CKMT1B: variants seen among roughly 807,000 people sequenced by gnomAD.
The protein encoded by CKMT1B is creatine kinase U-type, mitochondrial.
Under a neutral mutation model 21.8 loss-of-function variants are expected in CKMT1B, and 13 were observed. The ratio of observed to expected loss-of-function variants is 0.60; its 90% CI spans 0.39 to 0.95. The LOEUF (loss-of-function observed/expected upper bound fraction) is 0.95. CKMT1B is among the 40% of genes least tolerant of loss of function. CKMT1B has a pLI of 0.00. For missense variants in CKMT1B, 157 were observed against 227.5 expected, an observed-to-expected ratio of 0.69 and a Z score of 1.99; for synonymous variants, 50 against 80.3, an observed-to-expected ratio of 0.62 and a Z score of 2.02.
intron 4 of CKMT1B, 24 bp downstream of exon 4, chr15:43,596,101 G>C: frequency 3.3e-6 from 1 of 301,386 alleles, no homozygotes; most frequent in Non-Finnish European, 5.6e-6. Flanking sequence ...GAGGGTGCTG[G>C]TTGGTGGGAG....
Position 43,598,931 on chromosome 15 carries a change from G to C in CKMT1B, c.1116G>C (p.Leu372Phe). 6.2e-7 allele frequency: 1 copy of C among 1,610,738 alleles called. No homozygotes were observed. Among genetic ancestry groups the C allele is most frequent in the Non-Finnish European group, 8.5e-7 (1 of 1,179,668 alleles). The part of the protein sequence containing the change: ...ATGGVFDISN[L>F]DRLGKSEVEL... ...GCGGTGTCTTTGATATTTCTAATTT[G>C]GACCGACTAGGCAAATCAGAGGTGA... The change falls in exon 8 of 9, where the codon TTG becomes TTC. Residue 372 changes from leucine (L) to phenylalanine (F), a missense_variant. Coordinates refer to ENST00000441322, the MANE Select transcript of CKMT1B (RefSeq NM_001375484.1).
rs2085638746 is a variant in CKMT1B at position 43,599,149 on chromosome 15, T to C, written c.1138-8T>C. Reference sequence around the variant, plus strand: ...GTAGGAAGCAGATCAAAGATTAGTGTCCCTTAGGTGGAGCTGGTGCAACTG... The same window carrying C: ...GTAGGAAGCAGATCAAAGATTAGTGCCCCTTAGGTGGAGCTGGTGCAACTG... On this transcript the variant is annotated splice_region_variant and splice_polypyrimidine_tract_variant and intron_variant, in intron 8 of 8. Coordinates refer to ENST00000441322, the MANE Select transcript of CKMT1B (RefSeq NM_001375484.1). 1 of 1,613,662 alleles carries C rather than the reference T, an allele frequency of 6.2e-7. No individual in the cohort carries two copies. Among genetic ancestry groups the C allele is most frequent in the African/African-American group, 1.3e-5 (1 of 74,876 alleles).
At chr15:43,598,374 G>T in intron 7 of CKMT1B, 47 bp downstream of exon 7, 1 of 1,596,382 alleles carries the variant, frequency 6.3e-7, no homozygotes, top group Non-Finnish European at 8.5e-7. Flanking sequence ...AGGAAGGGTG[G>T]GTTGTGGATG....
chr15:43,598,788 C>T (rs1163376072), intron 7 of CKMT1B, 39 bp from the exon 8 acceptor site: 2 of 1,575,436 alleles, frequency 1.3e-6, no homozygotes, highest in African/African-American at 1.4e-5. Flanking sequence ...TAGTCTCTGC[C>T]TCTATTGACC....
chr15:43,598,645 G>C (rs1389000406), intron 7 of CKMT1B, among the ~76,000 whole-genome samples, 182 bp from the exon 8 acceptor site: 1 of 148,056 alleles, frequency 6.8e-6, no homozygotes, highest in Admixed American at 6.6e-5. Context: ...GCTTCAGTGA[G>C]CTGTGATCAC....
intron 8 of CKMT1B, 89 bp downstream of exon 8, chr15:43,599,041 A>C (rs1212867330): frequency 4.4e-6 from 7 of 1,592,598 alleles, no homozygotes; most frequent in Non-Finnish European, 6.0e-6. Flanking sequence ...ATGTAAGATA[A>C]TCTGAAATGA....
intron 7 of CKMT1B, among the ~76,000 whole-genome samples, chr15:43,598,541 AC>A (rs1567114383): frequency 6.7e-6 from 1 of 148,778 alleles, no homozygotes; most frequent in Non-Finnish European, 1.5e-5. Context: ...AGCCTGGGCA[AC>A]CTGGTGAAAC....
chr15:43,598,521 G>A (rs1401129847), intron 7 of CKMT1B, among the ~76,000 whole-genome samples, 194 bp downstream of exon 7: 3 of 148,720 alleles, frequency 2.0e-5, no homozygotes, highest in Non-Finnish European at 4.4e-5. Context: ...GAGCCCAGGA[G>A]TTCAAGACCA....
intron 6 of CKMT1B, chr15:43,597,948 G>C: frequency 7.2e-7 from 1 of 1,384,390 alleles, no homozygotes; most frequent in Non-Finnish European, 9.3e-7. Flanking sequence ...ACTCCTTCGA[G>C]TTTTCTTCTT....
chr15:43,598,824 T>C lies in CKMT1B; in HGVS notation c.1012-3T>C. 1.2e-6 allele frequency: 2 copies of C among 1,605,110 alleles called. No individual in the cohort carries two copies. Among genetic ancestry groups the C allele is most frequent in the Non-Finnish European group, 8.5e-7 (1 of 1,177,370 alleles). On this transcript the variant is annotated splice_polypyrimidine_tract_variant and splice_region_variant and intron_variant, in intron 7 of 8. Transcript: ENST00000441322. ...CTGCTCCCAATCCCTATCTCCTCTC[T>C]AGGATAGCCGCTTCCCAAAGATCCT... is the stretch of plus-strand genomic sequence containing the variant.
chr15:43,596,966 G>A (rs2085580267), intron 6 of CKMT1B, among the ~76,000 whole-genome samples: 1 of 148,272 alleles, frequency 6.7e-6, no homozygotes, highest in South Asian at 2.1e-4. Context: ...CCTTGACTCT[G>A]GATTCTATCA....
rs755074496 is a variant in CKMT1B, at chr15:43,599,311, G to A, written c.*38G>A. The stretch of plus-strand genomic sequence containing the variant: ...AGCTGATGACTCAAGATTCCCAGGA[G>A]TTCTGCTCATTCTAATGATGGCCCA... On this transcript the variant is annotated 3_prime_UTR_variant, in exon 9 of 9. Transcript: ENST00000441322. The A allele has an allele frequency of 2.5e-6, 4 of 1,613,514 alleles. No homozygotes were observed. The highest frequency in any genetic ancestry group is 3.4e-6 in the Non-Finnish European group (4 of 1,179,768).
intron 6 of CKMT1B, chr15:43,597,539 A>G: frequency 8.6e-7 from 1 of 1,165,948 alleles, no homozygotes; most frequent in Non-Finnish European, 1.1e-6. Flanking sequence ...TGAACTATAA[A>G]GAGGATCCCT....
At chr15:43,596,146 C>G in intron 4 of CKMT1B, 61 bp from the exon 5 acceptor site, 1 of 367,072 alleles carries the variant, frequency 2.7e-6, no homozygotes. Flanking sequence ...GAGACATGGG[C>G]TCTGAAAGGC....
At chr15:43,598,052 A>T in intron 6 of CKMT1B, 141 bp from the exon 7 acceptor site, 5 of 1,469,304 alleles carry the variant, frequency 3.4e-6, no homozygotes, top group Middle Eastern at 1.9e-4. Context: ...TTTTCATTTA[A>T]AAAAAGACCA....
intron 6 of CKMT1B, chr15:43,597,755 G>T: frequency 1.0e-6 from 1 of 999,224 alleles, no homozygotes; most frequent in Non-Finnish European, 1.2e-6. Flanking sequence ...CTAACAGAAT[G>T]TTATCTTACC....
intron 8 of CKMT1B, 42 bp from the exon 9 acceptor site, chr15:43,599,115 A>G: frequency 1.2e-6 from 2 of 1,610,568 alleles, no homozygotes; most frequent in Middle Eastern, 3.3e-4. Context: ...ATAAAGAAAA[A>G]CTCAGACTGT....
In CKMT1B at chr15:43,598,591, G is replaced by C. The variant is rs1215796289; in HGVS notation, c.1012-236G>C. On this transcript the variant is annotated intron_variant, in intron 7 of 8. Transcript: ENST00000441322. ...CAAATACAAAAGTTAGCTGGGTGTA[G>C]TGGAGGCTGAGGTGAGAGGATCACT... Among the ~76,000 whole-genome samples, 2 of 148,658 alleles carry C rather than the reference G, an allele frequency of 1.3e-5. 1 individual carries two copies. The highest frequency in any genetic ancestry group is 2.9e-5 in the Non-Finnish European group (2 of 67,876).
At chr15:43,598,348 C>T (rs1820858516) in intron 7 of CKMT1B, 21 bp downstream of exon 7, 2 of 1,595,896 alleles carry the variant, frequency 1.3e-6, no homozygotes, top group Non-Finnish European at 1.7e-6. Context: ...TGTGGGGTTA[C>T]AGAGGGGTGT....
Sources: allele counts gnomAD v4.1 joint callset (sites outside exome capture counted in the v4.1 genomes callset), GRCh38; gene constraint gnomAD v4.1.1; transcripts MANE v1.5; gene names NCBI Gene and HGNC (gene_info 2026-07-23, HGNC 2026-07-21).